IMMP2L: variants seen among roughly 807,000 people sequenced by gnomAD.
IMMP2L encodes inner mitochondrial membrane peptidase subunit 2, also known as mitochondrial inner membrane protease subunit 2.
Under a neutral mutation model 19.3 loss-of-function variants are expected in IMMP2L, and 18 were observed. That is an observed-to-expected ratio of 0.93 (90% confidence interval 0.64 to 1.38). The LOEUF (loss-of-function observed/expected upper bound fraction) is 1.38. IMMP2L is among the 40% of genes most tolerant of loss of function. IMMP2L has a pLI of 0.00. For synonymous variants in IMMP2L, 76 were observed against 73.0 expected, an observed-to-expected ratio of 1.04 and a Z score of -0.21; for missense variants, 233 against 218.2, an observed-to-expected ratio of 1.07 and a Z score of -0.43.
chr7:111,290,827 AACACACAC>A (rs541375499), intron 3 of IMMP2L, among the ~76,000 whole-genome samples: 25 of 135,088 alleles, frequency 1.9e-4, no homozygotes, highest in African/African-American at 6.4e-4. Flanking sequence ...TATATATACA[AACACACAC>A]ACACACACAC....
At chr7:111,554,980 C>A (rs540700639) in intron 1 of IMMP2L, among the ~76,000 whole-genome samples, 94 of 152,130 alleles carry the variant, frequency 6.2e-4, no homozygotes, top group African/African-American at 2.1e-3. Context: ...AAAAATCAGG[C>A]CTTGGCGATG....
At chr7:110,962,641 G>T in intron 4 of IMMP2L, 2 of 719,338 alleles carry the variant, frequency 2.8e-6, no homozygotes, top group Non-Finnish European at 3.4e-6. Context: ...AATCTCATAG[G>T]CCCCCAGTGG....
At chr7:111,415,669 T>C (rs934804042) in intron 3 of IMMP2L, among the ~76,000 whole-genome samples, 13 of 151,780 alleles carry the variant, frequency 8.6e-5, no homozygotes, top group African/African-American at 2.4e-4. Context: ...AGCCAAATTA[T>C]AACTAGTATA....
intron 4 of IMMP2L, among the ~76,000 whole-genome samples, chr7:110,886,963 G>A (rs1429034837): frequency 6.6e-6 from 1 of 151,964 alleles, no homozygotes; most frequent in Non-Finnish European, 1.5e-5. Context: ...TTATTTAATA[G>A]AATTCACAGT....
chr7:111,227,073 G>A (rs1011576215), intron 3 of IMMP2L, among the ~76,000 whole-genome samples: 5 of 152,156 alleles, frequency 3.3e-5, no homozygotes, highest in Admixed American at 2.0e-4. Context: ...CAAATAAATT[G>A]CTCAGGTGAA....
intron 3 of IMMP2L, among the ~76,000 whole-genome samples, chr7:111,009,324 G>C (rs1165367340): frequency 1.3e-5 from 2 of 152,066 alleles, no homozygotes; most frequent in Non-Finnish European, 2.9e-5. Context: ...CACTATATTA[G>C]TAAGCCAAAT....
intron 3 of IMMP2L, among the ~76,000 whole-genome samples, chr7:111,263,107 G>A (rs929352551): frequency 6.6e-6 from 1 of 152,116 alleles, no homozygotes; most frequent in African/African-American, 2.4e-5. Flanking sequence ...TTTGACTTCT[G>A]CTCTGAGAGA....
intron 3 of IMMP2L, among the ~76,000 whole-genome samples, chr7:110,982,701 A>C (rs1482698014): frequency 6.6e-6 from 1 of 152,134 alleles, no homozygotes; most frequent in East Asian, 1.9e-4. Flanking sequence ...AGTATATATC[A>C]ACCACATATT....
intron 1 of IMMP2L, among the ~76,000 whole-genome samples, chr7:111,551,242 C>G (rs1406887522): frequency 3.3e-5 from 5 of 151,938 alleles, no homozygotes; most frequent in African/African-American, 1.2e-4. Flanking sequence ...TGACAAAGAC[C>G]TATGTCTCAG....
chr7:110,782,804 G>A (rs148886195), intron 5 of IMMP2L, among the ~76,000 whole-genome samples: 1 of 151,916 alleles, frequency 6.6e-6, no homozygotes, highest in African/African-American at 2.4e-5. Context: ...ACATGCCTTG[G>A]GTAAAGTATG....
At chr7:111,551,971 A>G (rs1265211503) in intron 1 of IMMP2L, among the ~76,000 whole-genome samples, 1 of 152,182 alleles carries the variant, frequency 6.6e-6, no homozygotes, top group Non-Finnish European at 1.5e-5. Flanking sequence ...AGGTTTCCTC[A>G]AGGAGATGCT....
At chr7:111,446,388 G>A (rs1210991318) in intron 3 of IMMP2L, among the ~76,000 whole-genome samples, 1 of 146,904 alleles carries the variant, frequency 6.8e-6, no homozygotes, top group African/African-American at 2.7e-5. Context: ...TCCTCAAGTG[G>A]GTCCCTGACC....
intron 3 of IMMP2L, among the ~76,000 whole-genome samples, chr7:110,997,901 C>T (rs1823212530): frequency 1.3e-5 from 2 of 152,068 alleles, no homozygotes; most frequent in South Asian, 4.2e-4. Flanking sequence ...TTGCCAAGTT[C>T]TTCTAATACC....
intron 5 of IMMP2L, among the ~76,000 whole-genome samples, chr7:110,750,869 A>G (rs1039928379): frequency 1.3e-5 from 2 of 152,202 alleles, no homozygotes; most frequent in South Asian, 2.1e-4. Flanking sequence ...CAAACAAACA[A>G]TATTTTAATG....
At chr7:110,885,209 C>T (rs1367686399) in intron 5 of IMMP2L, among the ~76,000 whole-genome samples, 1 of 151,598 alleles carries the variant, frequency 6.6e-6, no homozygotes, top group Non-Finnish European at 1.5e-5. Context: ...TTGCACTATA[C>T]TTACTGGATG....
At chr7:111,156,245 G>A (rs1037334612) in intron 3 of IMMP2L, among the ~76,000 whole-genome samples, 2 of 152,048 alleles carry the variant, frequency 1.3e-5, no homozygotes, top group African/African-American at 4.8e-5. Context: ...CATAGGAGAT[G>A]CTTAAGTTCA....
At chr7:110,868,847 A>G (rs1339256308) in intron 5 of IMMP2L, among the ~76,000 whole-genome samples, 1 of 152,036 alleles carries the variant, frequency 6.6e-6, no homozygotes, top group African/African-American at 2.4e-5. Context: ...TTGTTCTGGA[A>G]AACAGCCAGG....
intron 3 of IMMP2L, among the ~76,000 whole-genome samples, chr7:110,971,145 C>T (rs748413000): frequency 6.6e-6 from 1 of 152,066 alleles, no homozygotes; most frequent in African/African-American, 2.4e-5. Context: ...TTAGAAGTAC[C>T]TGTAGCCACC....
chr7:111,509,371 G>A (rs538175098), intron 2 of IMMP2L, among the ~76,000 whole-genome samples: 65 of 152,260 alleles, frequency 4.3e-4, no homozygotes, highest in African/African-American at 1.5e-3. Flanking sequence ...CTTATCCTTC[G>A]TGTTGCACTT....
Sources: gnomAD v4.1 joint callset for allele counts (sites outside exome capture counted in the v4.1 genomes callset) on GRCh38, gnomAD v4.1.1 for gene constraint, MANE v1.5 for transcripts, NCBI Gene and HGNC (gene_info 2026-07-23, HGNC 2026-07-21) for gene names.